STX8: variants seen among roughly 807,000 people sequenced by gnomAD.
The protein encoded by STX8 is syntaxin-8.
STX8 carries 23 observed loss-of-function variants against 37.5 expected under a neutral mutation model. The observed-to-expected ratio is 0.61, with a 90% CI of 0.44 to 0.87. The LOEUF (loss-of-function observed/expected upper bound fraction) is 0.87, where lower values mean the gene tolerates loss of function less well. Among genes scored for constraint, STX8 ranks in the 40% least tolerant of loss-of-function variants. The pLI is 0.00. For missense variants in STX8, 313 were observed against 284.7 expected, an observed-to-expected ratio of 1.10 and a Z score of -0.71; for synonymous variants, 115 against 99.1, an observed-to-expected ratio of 1.16 and a Z score of -0.95.
At chr17:9,358,517 T>C (rs868278147) in intron 7 of STX8, among the ~76,000 whole-genome samples, 1 of 152,346 alleles carries the variant, frequency 6.6e-6, no homozygotes, top group Non-Finnish European at 1.5e-5. Flanking sequence ...GAATGTATCA[T>C]AAAGTTATTA....
chr17:9,372,416 G>A (rs1911436785), intron 7 of STX8, among the ~76,000 whole-genome samples: 1 of 151,948 alleles, frequency 6.6e-6, no homozygotes, highest in Non-Finnish European at 1.5e-5. Context: ...CCATTTGCCT[G>A]CCCCTCTCAG....
At position 9,529,602 on chromosome 17, in the gene STX8, G is replaced by A. The variant is rs79476688; in HGVS notation, c.323+15570C>T. 6.1e-3 allele frequency among the ~76,000 whole-genome samples: 921 copies of A among 152,222 alleles called. 14 individuals carry two copies. Among genetic ancestry groups the A allele is most frequent in the African/African-American group, 0.02 (835 of 41,544 alleles). ...ACTTCCCCCAAAGGGAACCGCTTTC[G>A]TGATTTATAACACTGTAAGTCTCAC... On this transcript the variant is annotated intron_variant, in intron 4 of 7. Coordinates refer to ENST00000306357, the MANE Select transcript of STX8 (RefSeq NM_004853.3).
At chr17:9,313,685 G>A (rs1032614521) in intron 7 of STX8, among the ~76,000 whole-genome samples, 1 of 152,202 alleles carries the variant, frequency 6.6e-6, no homozygotes, top group Non-Finnish European at 1.5e-5. Context: ...GGAGTGCAGT[G>A]GTGTGATCTC....
intron 6 of STX8, among the ~76,000 whole-genome samples, chr17:9,428,695 T>C (rs1037500141): frequency 1.3e-5 from 2 of 152,228 alleles, no homozygotes; most frequent in African/African-American, 4.8e-5. Flanking sequence ...TAACCCAATA[T>C]AGCCAAATAT....
chr17:9,290,245 ATT>A (rs1908268056), intron 7 of STX8, among the ~76,000 whole-genome samples: 1 of 152,116 alleles, frequency 6.6e-6, no homozygotes, highest in African/African-American at 2.4e-5. Flanking sequence ...ACCCTGCACT[ATT>A]TGTCTTTTTA....
intron 7 of STX8, among the ~76,000 whole-genome samples, chr17:9,337,132 A>C (rs374213914): frequency 6.6e-6 from 1 of 152,320 alleles, no homozygotes; most frequent in African/African-American, 2.4e-5. Context: ...CACATGAAAA[A>C]CTATCTTGAG....
In STX8 at chr17:9,412,281, A is replaced by AT. The variant is rs529582626; in HGVS notation, c.542-33629dup. ...TGACTTGTAACTAATCACAGCAGCA[A>AT]TTTTTTTTTTTTTTTGAGACGGAGT... is the stretch of plus-strand genomic sequence containing the variant. On this transcript the variant is annotated intron_variant, in intron 6 of 7. Transcript: ENST00000306357. 7.0e-3 allele frequency among the ~76,000 whole-genome samples: 1,006 copies of AT among 144,206 alleles called. 1 individual carries two copies. Among genetic ancestry groups the AT allele is most frequent in the South Asian group, 9.6e-3 (43 of 4,500 alleles). 94.6% of individuals were successfully genotyped at this position (144,206 alleles called of 152,430 possible). A position where few individuals can be genotyped will look rare whatever the true frequency, so the allele number is the denominator to read the frequency against.
intron 7 of STX8, among the ~76,000 whole-genome samples, chr17:9,300,790 G>A (rs1908743985): frequency 6.8e-6 from 1 of 146,502 alleles, no homozygotes; most frequent in African/African-American, 2.5e-5. Flanking sequence ...CCAAATTAAT[G>A]ATATGTATTA....
At chr17:9,571,343 C>A (rs142817495) in intron 1 of STX8, among the ~76,000 whole-genome samples, 1 of 152,100 alleles carries the variant, frequency 6.6e-6, no homozygotes, top group Non-Finnish European at 1.5e-5. Flanking sequence ...CCTGGGCGTG[C>A]GTGGGGAGCT....
intron 4 of STX8, among the ~76,000 whole-genome samples, chr17:9,516,626 TA>T (rs2142516701): frequency 6.6e-6 from 1 of 152,154 alleles, no homozygotes; most frequent in African/African-American, 2.4e-5. Context: ...TCCCTGGATG[TA>T]CACCCGATTC....
In STX8 at chr17:9,421,638, C is replaced by T. The variant is rs2142351976; in HGVS notation, c.542-42985G>A. On this transcript the variant is annotated intron_variant, in intron 6 of 7. Transcript: ENST00000306357. ...ATTGGCCAATTTAAACTGAACAAGT[C>T]AGTGGCATTTAGTACATCTGCAACA... 1.3e-5 allele frequency among the ~76,000 whole-genome samples: 2 copies of T among 151,728 alleles called. 1 individual carries two copies. The highest frequency in any genetic ancestry group is 4.2e-4 in the South Asian group (2 of 4,806).
Position 9,545,203 on chromosome 17 carries a change from T to C in STX8, c.292A>G (p.Lys98Glu). 6.2e-7 allele frequency: 1 copy of C among 1,614,020 alleles called. No homozygotes were observed. The highest frequency in any genetic ancestry group is 8.5e-7 in the Non-Finnish European group (1 of 1,179,930). The change falls in exon 4 of 8, where the codon AAG (lysine) becomes GAG (glutamate). Residue 98 changes from lysine (K) to glutamate (E), a missense_variant. Transcript: ENST00000306357. ...AGATCTGGTTCGGCACCCTCATTCT[T>C]AAAGGATGCCAGAAGTAGTCTCTCT... ...TRERLLLASF[K>E]NEGAEPDLIR...
rs932031660 is a variant in STX8 at position 9,280,242 on chromosome 17, A to G, written c.644-29597T>C. Among the ~76,000 whole-genome samples, 3 of 152,318 alleles carry G rather than the reference A, an allele frequency of 2.0e-5. No homozygotes were observed. In the East Asian group the frequency reaches 5.8e-4, roughly 29 times the overall value. ...CTATCTCAAAAAAAAGAAAAAAAGA[A>G]AATCAATGAAAAAAGTGTATTAATA... On this transcript the variant is annotated intron_variant, in intron 7 of 7. Transcript: ENST00000306357.
chr17:9,369,526 TTAAA>T (rs563242082), intron 7 of STX8, among the ~76,000 whole-genome samples: 164 of 152,232 alleles, frequency 1.1e-3, no homozygotes, highest in Admixed American at 2.2e-3. Flanking sequence ...CTAAAGTCTG[TTAAA>T]TAAACAAGAC....
chr17:9,320,332 C>CA (rs1167812989), intron 7 of STX8, among the ~76,000 whole-genome samples: 6,940 of 83,016 alleles, frequency 0.084, 550 homozygotes, highest in African/African-American at 0.24. Context: ...GACTCCATCT[C>CA]AAAAAAAAAA....
chr17:9,537,969 T>G (rs1466369983), intron 4 of STX8, among the ~76,000 whole-genome samples: 1 of 152,206 alleles, frequency 6.6e-6, no homozygotes, highest in Non-Finnish European at 1.5e-5. Flanking sequence ...CTTTTGTAGT[T>G]TTGGTTTTAC....
chr17:9,264,734 T>C (rs17808554), intron 7 of STX8, among the ~76,000 whole-genome samples: 28,301 of 152,256 alleles, frequency 0.19, 3,092 homozygotes, highest in Non-Finnish European at 0.25. Context: ...GAACTAGTAA[T>C]GCTTCATGTG....
chr17:9,566,935 TGCC>T (rs1405868959), intron 2 of STX8, among the ~76,000 whole-genome samples: 2 of 152,194 alleles, frequency 1.3e-5, no homozygotes, highest in East Asian at 3.9e-4. Flanking sequence ...TGGAATATTA[TGCC>T]GCCATAAAAA....
intron 7 of STX8, among the ~76,000 whole-genome samples, chr17:9,288,140 C>CAAAA (rs60385667): frequency 1.6e-5 from 1 of 61,530 alleles, no homozygotes; most frequent in Non-Finnish European, 2.8e-5. Flanking sequence ...AACAAACAAA[C>CAAAA]AAAAAAAAAA....
Sources: gnomAD v4.1 joint callset for allele counts (sites outside exome capture counted in the v4.1 genomes callset) on GRCh38, gnomAD v4.1.1 for gene constraint, MANE v1.5 for transcripts, NCBI Gene and HGNC (gene_info 2026-07-23, HGNC 2026-07-21) for gene names.